CHSY3: variants seen among roughly 807,000 people sequenced by gnomAD.
CHSY3 encodes the protein chondroitin sulfate synthase 3, also known as N-acetylgalactosaminyl-proteoglycan 3-beta-glucuronosyltransferase 3.
In CHSY3, 35 loss-of-function variants were observed where a neutral mutation model predicts 67.2. That is an observed-to-expected ratio of 0.52 (90% CI 0.40 to 0.69). The LOEUF (loss-of-function observed/expected upper bound fraction) is 0.69. Ranked by LOEUF, CHSY3 falls within the 30% of genes least tolerant of loss-of-function variation. The pLI, the probability that CHSY3 is intolerant of heterozygous loss-of-function variation, is 0.00. For missense variants in CHSY3, 1,069 were observed against 1,138.5 expected, an observed-to-expected ratio of 0.94 and a Z score of 0.88; for synonymous variants, 474 against 434.7, an observed-to-expected ratio of 1.09 and a Z score of -1.12.
At chr5:129,984,945 T>G (rs1333808757) in intron 2 of CHSY3, among the ~76,000 whole-genome samples, 1 of 152,166 alleles carries the variant, frequency 6.6e-6, no homozygotes, top group Non-Finnish European at 1.5e-5. Context: ...ATGCATAATA[T>G]CCAAATAATT....
intron 2 of CHSY3, among the ~76,000 whole-genome samples, chr5:130,045,667 G>T (rs1580680098): frequency 1.3e-5 from 2 of 152,104 alleles, no homozygotes; most frequent in African/African-American, 4.8e-5. Context: ...GGATGCCATT[G>T]CCCTGGAACT....
At chr5:130,119,203 A>T (rs1201179512) in intron 2 of CHSY3, among the ~76,000 whole-genome samples, 1 of 152,188 alleles carries the variant, frequency 6.6e-6, no homozygotes, top group Non-Finnish European at 1.5e-5. Flanking sequence ...GAAAGTAGAT[A>T]TCCAGAACTC....
intron 2 of CHSY3, among the ~76,000 whole-genome samples, chr5:130,084,762 G>C (rs1766560632): frequency 6.6e-6 from 1 of 151,790 alleles, no homozygotes; most frequent in African/African-American, 2.4e-5. Context: ...AGGTTGGGAA[G>C]GTACTTTCAG....
intron 2 of CHSY3, among the ~76,000 whole-genome samples, chr5:130,024,307 TGA>T (rs1386978793): frequency 2.0e-5 from 3 of 152,080 alleles, no homozygotes; most frequent in Non-Finnish European, 4.4e-5. Context: ...CTAATTTAAA[TGA>T]GTTTGATAAG....
intron 2 of CHSY3, among the ~76,000 whole-genome samples, chr5:129,959,782 T>C (rs980455670): frequency 6.6e-6 from 1 of 152,130 alleles, no homozygotes; most frequent in Non-Finnish European, 1.5e-5. Context: ...GTTTTTACTT[T>C]GCATGTTCAT....
intron 2 of CHSY3, among the ~76,000 whole-genome samples, chr5:130,087,006 A>G (rs1766659471): frequency 6.6e-6 from 1 of 152,136 alleles, no homozygotes; most frequent in South Asian, 2.1e-4. Context: ...GCACATCAAA[A>G]AGCTTATCCA....
chr5:130,179,322 T>C (rs1437090573), intron 2 of CHSY3, among the ~76,000 whole-genome samples: 1 of 152,200 alleles, frequency 6.6e-6, no homozygotes, highest in African/African-American at 2.4e-5. Context: ...TTATGTCTTC[T>C]GTTTTATTTT....
At chr5:130,157,725 T>A (rs1395622042) in intron 2 of CHSY3, among the ~76,000 whole-genome samples, 5 of 102,390 alleles carry the variant, frequency 4.9e-5, no homozygotes, top group African/African-American at 1.9e-4. Context: ...TAGGGTAAAG[T>A]GAAAGCAAGT....
chr5:130,001,421 A>G, intron 2 of CHSY3: 1 of 871,556 alleles, frequency 1.1e-6, no homozygotes, highest in Non-Finnish European at 1.4e-6. Flanking sequence ...TGCTGAAGAA[A>G]TTACCAGATG....
At chr5:130,104,666 G>C (rs569916908) in intron 2 of CHSY3, among the ~76,000 whole-genome samples, 134 of 151,884 alleles carry the variant, frequency 8.8e-4, no homozygotes, top group African/African-American at 3.1e-3. Flanking sequence ...ACTAATGTGA[G>C]ACAAGTAGCG....
At chr5:130,133,297 TCTC>T (rs1768540045) in intron 2 of CHSY3, among the ~76,000 whole-genome samples, 1 of 152,108 alleles carries the variant, frequency 6.6e-6, no homozygotes, top group Non-Finnish European at 1.5e-5. Flanking sequence ...ATTTTTTTCT[TCTC>T]CTAGTCAGAC....
chr5:129,954,868 AAT>A (rs1561471048), intron 2 of CHSY3, among the ~76,000 whole-genome samples: 2 of 151,746 alleles, frequency 1.3e-5, no homozygotes, highest in Non-Finnish European at 2.9e-5. Context: ...TATCTTCTTA[AAT>A]ATATATATAT....
intron 2 of CHSY3, among the ~76,000 whole-genome samples, chr5:129,985,270 T>C (rs1580614489): frequency 1.3e-5 from 2 of 152,336 alleles, no homozygotes; most frequent in East Asian, 3.9e-4. Context: ...GCAACATTTA[T>C]TGAATAGTGA....
At chr5:130,102,225 T>C (rs2149699200) in intron 2 of CHSY3, among the ~76,000 whole-genome samples, 1 of 152,260 alleles carries the variant, frequency 6.6e-6, no homozygotes, top group South Asian at 2.1e-4. Flanking sequence ...GACAGTGCTA[T>C]AGCTACTAAG....
chr5:129,975,682 C>T (rs1247185515), intron 2 of CHSY3, among the ~76,000 whole-genome samples: 1 of 151,928 alleles, frequency 6.6e-6, no homozygotes, highest in Admixed American at 6.6e-5. Context: ...ATGTGTTCCA[C>T]GTATTCAGGA....
In CHSY3 at chr5:129,905,206, G is replaced by C. The variant is rs749725059; in HGVS notation, c.377G>C (p.Gly126Ala). Residue 126 changes from glycine to alanine, a missense_variant, in exon 1 of 3, where the codon GGT (glycine) becomes GCT (alanine). Gly to Ala is a moderately conservative substitution (Grantham distance 60). Around this residue, in one of 5 missense-constraint regions of CHSY3, gnomAD observed 309 missense variants for 262.5 expected, o/e 1.18. Transcript: ENST00000305031. ...CCTGAGGGCGCGACGGGGCTTCCCGGTGCTCCAGCGGCCGAGGGGGAGCCC... is the reference window on the plus strand; with the variant it reads ...CCTGAGGGCGCGACGGGGCTTCCCGCTGCTCCAGCGGCCGAGGGGGAGCCC... Reference protein sequence around the residue: ...REPEGATGLPGAPAAEGEPEE... With the variant: ...REPEGATGLPAAPAAEGEPEE... The C allele has an allele frequency of 3.3e-6, 5 of 1,513,546 alleles. No homozygotes were observed. Among genetic ancestry groups the C allele is most frequent in the Non-Finnish European group, 2.6e-6 (3 of 1,137,368 alleles). The allele number at this position is 1,513,546 out of a possible 1,614,324, so 93.8% of individuals were successfully genotyped here.
At chr5:130,139,310 A>G (rs760240229) in intron 2 of CHSY3, among the ~76,000 whole-genome samples, 1 of 152,192 alleles carries the variant, frequency 6.6e-6, no homozygotes, top group African/African-American at 2.4e-5. Flanking sequence ...ATTGGAATGA[A>G]CCTTGAAGAG....
At chr5:129,908,818 T>C (rs1056183437) in intron 2 of CHSY3, among the ~76,000 whole-genome samples, 3 of 152,166 alleles carry the variant, frequency 2.0e-5, no homozygotes, top group African/African-American at 7.2e-5. Flanking sequence ...GAAGTTTCTT[T>C]GGATATTTTC....
At chr5:129,986,207 C>T (rs1249551238) in intron 2 of CHSY3, among the ~76,000 whole-genome samples, 1 of 151,892 alleles carries the variant, frequency 6.6e-6, no homozygotes, top group African/African-American at 2.4e-5. Context: ...ACATTCAGTG[C>T]CTAGTTTATT....
Sources: gnomAD v4.1 joint callset for allele counts (sites outside exome capture counted in the v4.1 genomes callset) on GRCh38, gnomAD v4.1.1 for gene constraint, gnomAD v4.1.1 regional missense constraint, MANE v1.5 for transcripts, NCBI Gene and HGNC (gene_info 2026-07-23, HGNC 2026-07-21) for gene names.